The following FBXO32 variants were observed in gnomAD, a reference collection of about 807,000 sequenced individuals.
The protein encoded by FBXO32 is F-box protein 32, also known as F-box only protein 32.
In FBXO32, 15 loss-of-function variants were observed where a neutral mutation model predicts 48.3. That is an observed-to-expected ratio of 0.31 (90% CI 0.21 to 0.48). The LOEUF (loss-of-function observed/expected upper bound fraction) is 0.48, where lower values mean the gene tolerates loss of function less well. Among genes scored for constraint, FBXO32 ranks in the 20% least tolerant of loss-of-function variants. The probability of loss-of-function intolerance (pLI) is 0.99; values close to 1 mark genes in which losing one functional copy is unlikely to be tolerated. For missense variants in FBXO32, 309 were observed against 432.7 expected, an observed-to-expected ratio of 0.71 and a Z score of 2.54; for synonymous variants, 154 against 165.9, an observed-to-expected ratio of 0.93 and a Z score of 0.55.
intron 1 of FBXO32, among the ~76,000 whole-genome samples, chr8:123,539,962 C>CAGACTGTCA (rs1338982599): frequency 6.6e-6 from 1 of 152,204 alleles, no homozygotes; most frequent in Non-Finnish European, 1.5e-5. Flanking sequence ...AGTCAACTGT[C>CAGACTGTCA]GAGGTCAGGG....
intron 4 of FBXO32, among the ~76,000 whole-genome samples, chr8:123,517,271 A>G (rs1816857992): frequency 1.3e-5 from 2 of 152,198 alleles, no homozygotes; most frequent in Non-Finnish European, 2.9e-5. Flanking sequence ...GTCAGTTTTA[A>G]TCTTGTCAAA....
intron 4 of FBXO32, among the ~76,000 whole-genome samples, chr8:123,524,700 T>C (rs1459600492): frequency 6.6e-6 from 1 of 152,158 alleles, no homozygotes; most frequent in Non-Finnish European, 1.5e-5. Context: ...GTATTTTTAG[T>C]AGAGACGGGG....
chr8:123,534,676 T>TAGTTAGAACAG, intron 2 of FBXO32, 26 bp downstream of exon 2: 2 of 1,509,350 alleles, frequency 1.3e-6, no homozygotes, highest in Non-Finnish European at 1.8e-6. Flanking sequence ...ACAGCTTTTT[T>TAGTTAGAACAG]CTGAAGTTCA....
chr8:123,518,875 G>A (rs1038212034), intron 4 of FBXO32, among the ~76,000 whole-genome samples: 4 of 152,092 alleles, frequency 2.6e-5, no homozygotes, highest in Non-Finnish European at 4.4e-5. Flanking sequence ...AGGCTGGAGT[G>A]CAGTGGCACA....
chr8:123,530,628 T>C (rs936775969), intron 4 of FBXO32, among the ~76,000 whole-genome samples: 11 of 152,236 alleles, frequency 7.2e-5, no homozygotes, highest in Non-Finnish European at 1.2e-4. Context: ...TAACTTTTTC[T>C]TTTTTGAGAC....
chr8:123,534,879 A>G, intron 1 of FBXO32, 65 bp from the exon 2 acceptor site: 2 of 966,166 alleles, frequency 2.1e-6, no homozygotes, highest in Non-Finnish European at 3.2e-6. Flanking sequence ...AGCTGTTTCT[A>G]TAAATAACTC....
intron 6 of FBXO32, among the ~76,000 whole-genome samples, chr8:123,510,986 G>A (rs983110890): frequency 6.6e-5 from 10 of 152,244 alleles, no homozygotes; most frequent in African/African-American, 2.4e-4. Flanking sequence ...AGCTTGGAGT[G>A]TGCAGAGAAT....
chr8:123,504,872 G>T, intron 7 of FBXO32, 125 bp from the exon 8 acceptor site: 1 of 836,288 alleles, frequency 1.2e-6, no homozygotes. Flanking sequence ...CAATAGCCAG[G>T]AAGGAAAACT....
At position 123,513,783 on chromosome 8, in the gene FBXO32, T is replaced by C. The variant is rs543287155; in HGVS notation, c.467-401A>G. Among the ~76,000 whole-genome samples the C allele has an allele frequency of 2.6e-5, 4 of 152,322 alleles. No homozygotes were observed. The South Asian group carries it at 8.3e-4, about 32-fold the overall frequency. Reference sequence around the variant, plus strand: ...CTAATCCTGTCTGGCTGACTCTCTGTGTGATTATGGACAAATCACTTCTCC... The same window carrying C: ...CTAATCCTGTCTGGCTGACTCTCTGCGTGATTATGGACAAATCACTTCTCC... On this transcript the variant is annotated intron_variant, in intron 5 of 8. Transcript: ENST00000517956. This position sits in a 1 kb window ranked among gnomAD's most constrained non-coding sequence, Gnocchi z 4.3.
At chr8:123,524,259 T>A (rs1817025225) in intron 4 of FBXO32, among the ~76,000 whole-genome samples, 1 of 152,048 alleles carries the variant, frequency 6.6e-6, no homozygotes, top group African/African-American at 2.4e-5. Context: ...TGTGGCCATG[T>A]CCCCCCGTCT....
intron 4 of FBXO32, among the ~76,000 whole-genome samples, chr8:123,530,773 C>A (rs1289736904): frequency 6.6e-6 from 1 of 151,592 alleles, no homozygotes; most frequent in Non-Finnish European, 1.5e-5. Flanking sequence ...CACCACCACA[C>A]CTGGATAATT....
intron 4 of FBXO32, among the ~76,000 whole-genome samples, chr8:123,524,061 G>A (rs1291013585): frequency 6.6e-6 from 1 of 152,214 alleles, no homozygotes; most frequent in Non-Finnish European, 1.5e-5. Context: ...AATTGAGAGT[G>A]CATGCTTAAG....
Position 123,506,638 on chromosome 8 carries a change from C to T in FBXO32, c.652-64G>A, listed in dbSNP as rs1816630126. 2 of 1,402,760 alleles carry T rather than the reference C, an allele frequency of 1.4e-6. No individual in the cohort carries two copies. Among genetic ancestry groups the T allele is most frequent in the South Asian group, 2.7e-5 (2 of 73,942 alleles). 86.9% of individuals were successfully genotyped at this position (1,402,760 alleles called of 1,614,324 possible). A position where few individuals can be genotyped will look rare whatever the true frequency, so the allele number is the denominator to read the frequency against. Reference sequence around the variant, plus strand: ...GAGCAGCGATTCACCAGGCCACACCCTCCAGGCATGCAGCTGTGCCCGTCC... The same window carrying T: ...GAGCAGCGATTCACCAGGCCACACCTTCCAGGCATGCAGCTGTGCCCGTCC... On this transcript the variant is annotated intron_variant, in intron 6 of 8. Coordinates refer to ENST00000517956, the MANE Select transcript of FBXO32 (RefSeq NM_058229.4). The surrounding 1 kb of genome is among the most constrained non-coding windows in gnomAD (Gnocchi z 4.0).
chr8:123,507,438 G>GGGGT (rs371377453), intron 6 of FBXO32, among the ~76,000 whole-genome samples: 6,362 of 139,882 alleles, frequency 0.045, 164 homozygotes, highest in South Asian at 0.068. Flanking sequence ...TCTGTGCTAG[G>GGGGT]GTGTGTGTGT....
chr8:123,537,642 C>T (rs78735309), intron 1 of FBXO32, among the ~76,000 whole-genome samples: 1,532 of 152,278 alleles, frequency 0.01, 34 homozygotes, highest in African/African-American at 0.034. Flanking sequence ...AATTTACTGA[C>T]GCATTTCTAG....
At chr8:123,538,576 C>T (rs1303043123) in intron 1 of FBXO32, among the ~76,000 whole-genome samples, 1 of 152,068 alleles carries the variant, frequency 6.6e-6, no homozygotes, top group Non-Finnish European at 1.5e-5. Flanking sequence ...CACAGAAGGC[C>T]AACTGCTTTT....
At position 123,514,249 on chromosome 8, in the gene FBXO32, C is replaced by A; in HGVS notation, c.457G>T (p.Val153Leu). The A allele has an allele frequency of 1.9e-6, 3 of 1,612,152 alleles. No individual in the cohort carries two copies. Among genetic ancestry groups the A allele is most frequent in the Non-Finnish European group, 2.5e-6 (3 of 1,179,182 alleles). The change falls in exon 5 of 9, where the codon GTA becomes TTA. Residue 153 changes from valine (V) to leucine (L), a missense_variant. Transcript: ENST00000517956. ...GTGAGAGAAGGCTCACCTTTCAGTA[C>A]CACTTTTTCCAAAATATTCATGAAG... ...KNFMNILEKVVLKVLEDQQNI... is the reference protein window; with the variant it reads ...KNFMNILEKVLLKVLEDQQNI...
intron 4 of FBXO32, among the ~76,000 whole-genome samples, chr8:123,523,156 T>G (rs1816996218): frequency 6.6e-6 from 1 of 152,156 alleles, no homozygotes; most frequent in African/African-American, 2.4e-5. Context: ...GAGCACAGTA[T>G]AAATACTCTT....
rs562231472 is a variant in FBXO32, at chr8:123,506,956, T to G, written c.652-382A>C. On this transcript the variant is annotated intron_variant, in intron 6 of 8. Coordinates refer to ENST00000517956, the MANE Select transcript of FBXO32 (RefSeq NM_058229.4). This position sits in a 1 kb window ranked among gnomAD's most constrained non-coding sequence, Gnocchi z 4.0. ...CCAGCCTGCCACCCCAAGTCCCATC[T>G]CTCTGGCCCCCCTCCAGACATCAGG... Among the ~76,000 whole-genome samples, 25 of 152,236 alleles carry G rather than the reference T, an allele frequency of 1.6e-4. No homozygotes were observed. In the South Asian group the frequency reaches 3.7e-3, roughly 23 times the overall value.
Sources: allele counts gnomAD v4.1 joint callset (sites outside exome capture counted in the v4.1 genomes callset), GRCh38; gene constraint gnomAD v4.1.1; non-coding constraint Gnocchi (gnomAD v3.1); transcripts MANE v1.5; gene names NCBI Gene and HGNC (gene_info 2026-07-23, HGNC 2026-07-21).